SLC36A1: variants seen among roughly 807,000 people sequenced by gnomAD.
SLC36A1 encodes the protein solute carrier family 36 member 1.
In SLC36A1, 30 loss-of-function variants were observed where a neutral mutation model predicts 47.5. The ratio of observed to expected loss-of-function variants is 0.63; its 90% CI spans 0.47 to 0.86. The LOEUF (loss-of-function observed/expected upper bound fraction) is 0.86. Among genes scored for constraint, SLC36A1 ranks in the 40% least tolerant of loss-of-function variants. SLC36A1 has a pLI of 0.00. For missense variants in SLC36A1, 517 were observed against 606.0 expected, an observed-to-expected ratio of 0.85 and a Z score of 1.54; for synonymous variants, 255 against 249.7, an observed-to-expected ratio of 1.02 and a Z score of -0.20.
In SLC36A1 at chr5:151,453,684, C is replaced by T. The variant is rs75398468; in HGVS notation, c.-5-5104C>T. ...GAAAACAACTTTGGGATTAGAATGA[C>T]AGCCAGATTATGTTCTCCTGAGTCC... On this transcript the variant is annotated intron_variant, in intron 1 of 10. Transcript: ENST00000243389. Among the ~76,000 whole-genome samples, 180 of 152,064 alleles carry T rather than the reference C, an allele frequency of 1.2e-3. 1 individual carries two copies. In the East Asian group the frequency reaches 0.032, roughly 27 times the overall value.
chr5:151,523,459 G>A, the SLC36A1 span, among the ~76,000 whole-genome samples: 2 of 152,168 alleles, frequency 1.3e-5, no homozygotes, highest in Non-Finnish European at 2.9e-5. Context: ...CTTGCCCAAG[G>A]TCATACAGCA....
intron 1 of SLC36A1, among the ~76,000 whole-genome samples, chr5:151,440,206 G>A (rs1396233533): frequency 1.3e-5 from 2 of 152,176 alleles, no homozygotes; most frequent in Non-Finnish European, 2.9e-5. Context: ...GGATGGGGCT[G>A]CAGCTCTGGT....
At chr5:151,547,556 T>C in the SLC36A1 span, among the ~76,000 whole-genome samples, 1,341 of 152,312 alleles carry the variant, frequency 8.8e-3, 19 homozygotes, top group African/African-American at 0.03. Context: ...CTAAGTTTTG[T>C]CATAAAACTT....
chr5:151,468,266 A>AAAAATATATATATAT (rs55642458), intron 7 of SLC36A1, among the ~76,000 whole-genome samples: 10 of 63,806 alleles, frequency 1.6e-4, no homozygotes, highest in African/African-American at 7.9e-4. Context: ...AAAAAAAAAA[A>AAAAATATATATATAT]ATATATATAT....
chr5:151,433,786 G>T (rs570018721), upstream of SLC36A1, among the ~76,000 whole-genome samples: 2 of 152,144 alleles, frequency 1.3e-5, no homozygotes, highest in African/African-American at 4.8e-5. Context: ...GCCTTATGGG[G>T]CATGAGACAA....
chr5:151,508,154 G>T, the SLC36A1 span, among the ~76,000 whole-genome samples: 5 of 152,198 alleles, frequency 3.3e-5, no homozygotes, highest in Non-Finnish European at 5.9e-5. Context: ...AAGCTCCAGG[G>T]AAACTTCTGT....
Position 151,488,365 on chromosome 5 carries a change from G to GT in SLC36A1, c.*112dup. ...CTCTGAGGAAAGTCAGGGTTGCTGT[G>GT]TGGGAACCCCTCTGCCTGGCACCTG... is the stretch of plus-strand genomic sequence containing the variant. On this transcript the variant is annotated 3_prime_UTR_variant, in exon 11 of 11. Coordinates refer to ENST00000243389, the MANE Select transcript of SLC36A1 (RefSeq NM_078483.4). 1.4e-6 allele frequency: 2 copies of GT among 1,379,744 alleles called. No individual in the cohort carries two copies. The highest frequency in any genetic ancestry group is 2.0e-6 in the Non-Finnish European group (2 of 1,019,844). The allele number at this position is 1,379,744 out of a possible 1,614,324, so 85.5% of individuals were successfully genotyped here.
At chr5:151,397,157 A>G in the SLC36A1 span, among the ~76,000 whole-genome samples, 1 of 152,310 alleles carries the variant, frequency 6.6e-6, no homozygotes, top group African/African-American at 2.4e-5. Flanking sequence ...GATACTGCAC[A>G]TGATCGTTAT....
the SLC36A1 span, among the ~76,000 whole-genome samples, chr5:151,550,185 G>A: frequency 1.8e-4 from 27 of 152,200 alleles, no homozygotes. Flanking sequence ...ACATGGCCCA[G>A]AGAGTGAGCC....
chr5:151,469,905 T>C (rs1350739203), intron 7 of SLC36A1, among the ~76,000 whole-genome samples: 1 of 152,154 alleles, frequency 6.6e-6, no homozygotes, highest in Non-Finnish European at 1.5e-5. Context: ...CCCACTGATA[T>C]AGTTTCCAGG....
At chr5:151,353,485 C>G in the SLC36A1 span, among the ~76,000 whole-genome samples, 1 of 152,132 alleles carries the variant, frequency 6.6e-6, no homozygotes, top group Non-Finnish European at 1.5e-5. Flanking sequence ...TACCCCCAGC[C>G]CCACGCATTC....
chr5:151,527,370 C>G, the SLC36A1 span: 2 of 1,604,888 alleles, frequency 1.2e-6, no homozygotes, highest in African/African-American at 2.7e-5. Context: ...CAGGGAATAA[C>G]TAGAGGCCTA....
the SLC36A1 span, among the ~76,000 whole-genome samples, chr5:151,346,285 C>G: frequency 6.6e-6 from 1 of 152,170 alleles, no homozygotes; most frequent in South Asian, 2.1e-4. Context: ...AGGACTAGCC[C>G]TGGGGCGACA....
the SLC36A1 span, chr5:151,542,742 A>G: frequency 6.2e-7 from 1 of 1,614,204 alleles, no homozygotes. Context: ...CCTCAAATAC[A>G]GGCCTATTGT....
chr5:151,465,458 ACTC>A (rs1436888663), intron 5 of SLC36A1, among the ~76,000 whole-genome samples: 1 of 152,070 alleles, frequency 6.6e-6, no homozygotes. Flanking sequence ...TTTTTGATTC[ACTC>A]ATTTGTTCAA....
At chr5:151,512,506 A>ATGGAG in the SLC36A1 span, 1 of 1,614,198 alleles carries the variant, frequency 6.2e-7, no homozygotes, top group Non-Finnish European at 8.5e-7. The surrounding 1 kb of genome is among the most constrained non-coding windows in gnomAD (Gnocchi z 4.1). Context: ...CTCCACCAGG[A>ATGGAG]TGGAGTGCCA....
the SLC36A1 span, among the ~76,000 whole-genome samples, chr5:151,402,621 G>A: frequency 6.6e-6 from 1 of 151,760 alleles, no homozygotes; most frequent in Non-Finnish European, 1.5e-5. Context: ...CTGGTCTAGG[G>A]TCAAATAAAA....
the SLC36A1 span, chr5:151,366,534 G>T: frequency 3.5e-6 from 1 of 287,532 alleles, no homozygotes; most frequent in Non-Finnish European, 6.9e-6. Flanking sequence ...GGGAGCTCAT[G>T]CACTCTGAGT....
chr5:151,347,554 C>T, the SLC36A1 span: 2 of 1,488,666 alleles, frequency 1.3e-6, no homozygotes, highest in Non-Finnish European at 1.9e-6. Flanking sequence ...TACACCCCAG[C>T]ACAGTGGTGT....
Sources: allele counts gnomAD v4.1 joint callset (sites outside exome capture counted in the v4.1 genomes callset), GRCh38; gene constraint gnomAD v4.1.1; non-coding constraint Gnocchi (gnomAD v3.1); transcripts MANE v1.5; gene names NCBI Gene and HGNC (gene_info 2026-07-23, HGNC 2026-07-21).